The following DTWD2 variants were observed in gnomAD, a reference collection of about 807,000 sequenced individuals.
The protein encoded by DTWD2 is tRNA-uridine aminocarboxypropyltransferase 2.
A neutral mutation model predicts 31.8 loss-of-function variants in DTWD2; 39 were observed. That is an observed-to-expected ratio of 1.22 (90% CI 0.95 to 1.60). DTWD2 has a LOEUF of 1.60. Ranked by LOEUF, DTWD2 falls within the 40% of genes most tolerant of loss-of-function variation. DTWD2 has a pLI of 0.00. For missense variants in DTWD2, 515 were observed against 381.5 expected (o/e 1.35, Z -2.92); for synonymous variants, 180 against 142.8 (o/e 1.26, Z -1.86).
intron 1 of DTWD2, among the ~76,000 whole-genome samples, chr5:118,965,085 G>A (rs924802305): frequency 4.0e-5 from 6 of 151,330 alleles, no homozygotes; most frequent in African/African-American, 7.3e-5. Context: ...ACCACTGCCC[G>A]GCCGCAACCC....
chr5:118,943,876 G>A (rs558555465), intron 2 of DTWD2, among the ~76,000 whole-genome samples: 15 of 152,178 alleles, frequency 9.9e-5, no homozygotes, highest in Admixed American at 3.9e-4. Flanking sequence ...GCTTGACTGC[G>A]TCTATGATGT....
intron 4 of DTWD2, among the ~76,000 whole-genome samples, chr5:118,880,351 G>A (rs1054756991): frequency 1.3e-5 from 2 of 152,146 alleles, no homozygotes; most frequent in African/African-American, 4.8e-5. Flanking sequence ...TCAATCAGAT[G>A]CGTGTAACAG....
intron 4 of DTWD2, among the ~76,000 whole-genome samples, chr5:118,893,023 A>T (rs535391993): frequency 4.0e-5 from 6 of 150,594 alleles, no homozygotes; most frequent in East Asian, 1.9e-4. Context: ...TTAAGTTAAA[A>T]ATATATATAT....
chr5:118,940,986 T>C (rs959233385), intron 2 of DTWD2, among the ~76,000 whole-genome samples: 7 of 152,170 alleles, frequency 4.6e-5, no homozygotes, highest in Non-Finnish European at 1.0e-4. Flanking sequence ...AGATAGCTTT[T>C]CTATTTTTAC....
intron 3 of DTWD2, among the ~76,000 whole-genome samples, chr5:118,933,757 A>G (rs1753975942): frequency 6.6e-6 from 1 of 152,100 alleles, no homozygotes; most frequent in African/African-American, 2.4e-5. Flanking sequence ...CTGCTATTCA[A>G]TCCCTAGCTA....
intron 4 of DTWD2, among the ~76,000 whole-genome samples, chr5:118,906,045 G>A (rs1349534114): frequency 3.3e-5 from 5 of 152,136 alleles, no homozygotes; most frequent in African/African-American, 9.7e-5. Flanking sequence ...ATGAGCAAAA[G>A]ATGTGAATGT....
chr5:118,841,600 T>G (rs1751716422), intron 5 of DTWD2, among the ~76,000 whole-genome samples: 1 of 152,188 alleles, frequency 6.6e-6, no homozygotes, highest in Admixed American at 6.5e-5. Context: ...TGCCCAGGTC[T>G]TGGTGCGTTT....
At chr5:118,951,124 C>G (rs1218899818) in intron 1 of DTWD2, among the ~76,000 whole-genome samples, 1 of 152,084 alleles carries the variant, frequency 6.6e-6, no homozygotes, top group Non-Finnish European at 1.5e-5. Context: ...CTTGACCATG[C>G]CTTTAGCTCC....
intron 4 of DTWD2, among the ~76,000 whole-genome samples, chr5:118,893,558 A>G (rs190957028): frequency 6.6e-6 from 1 of 152,190 alleles, no homozygotes; most frequent in East Asian, 1.9e-4. Flanking sequence ...ATATTTTTAT[A>G]GTTTTTCAAT....
At chr5:118,857,167 T>C (rs1193595075) in intron 4 of DTWD2, among the ~76,000 whole-genome samples, 1 of 152,110 alleles carries the variant, frequency 6.6e-6, no homozygotes, top group Non-Finnish European at 1.5e-5. Flanking sequence ...TTGTAAGCGA[T>C]CTTAACAGCA....
At chr5:118,958,266 A>T (rs887292731) in intron 1 of DTWD2, among the ~76,000 whole-genome samples, 4 of 152,150 alleles carry the variant, frequency 2.6e-5, no homozygotes, top group Admixed American at 2.6e-4. Flanking sequence ...CATCCTGGCT[A>T]ACACAGTGAA....
At chr5:118,951,418 G>A (rs916354883) in intron 1 of DTWD2, among the ~76,000 whole-genome samples, 14 of 152,140 alleles carry the variant, frequency 9.2e-5, no homozygotes, top group Non-Finnish European at 1.8e-4. Context: ...GATTTGGGAC[G>A]AGTTGCATTG....
At chr5:118,970,606 C>A (rs934658859) in intron 1 of DTWD2, among the ~76,000 whole-genome samples, 2 of 152,088 alleles carry the variant, frequency 1.3e-5, no homozygotes, top group Non-Finnish European at 2.9e-5. Flanking sequence ...CCTAGCAAGA[C>A]AAGCCAACAT....
intron 1 of DTWD2, chr5:118,974,175 T>G: frequency 3.4e-6 from 5 of 1,458,204 alleles, no homozygotes; most frequent in Non-Finnish European, 4.7e-6. Context: ...CCTTGACCTA[T>G]TCACCCTCCA....
intron 4 of DTWD2, among the ~76,000 whole-genome samples, chr5:118,904,803 C>T (rs1695048266): frequency 6.6e-6 from 1 of 152,056 alleles, no homozygotes; most frequent in African/African-American, 2.4e-5. Context: ...CAACCCTCTC[C>T]TCACCACTAT....
intron 4 of DTWD2, among the ~76,000 whole-genome samples, chr5:118,923,779 C>T (rs1018913269): frequency 6.6e-6 from 1 of 152,180 alleles, no homozygotes; most frequent in Non-Finnish European, 1.5e-5. Flanking sequence ...ACTGAAGTTG[C>T]TGCAGACCCG....
chr5:118,949,937 G>A (rs764013137), intron 1 of DTWD2, among the ~76,000 whole-genome samples: 14 of 152,276 alleles, frequency 9.2e-5, no homozygotes, highest in Middle Eastern at 3.4e-3. Context: ...GCGGCCGGGC[G>A]CGATGGCTCA....
Position 118,860,554 on chromosome 5 carries a change from G to C in DTWD2, c.598-12336C>G, listed in dbSNP as rs561294613. 3.3e-5 allele frequency among the ~76,000 whole-genome samples: 5 copies of C among 152,148 alleles called. No individual in the cohort carries two copies. In the South Asian group the frequency reaches 8.3e-4, roughly 25 times the overall value. On this transcript the variant is annotated intron_variant, in intron 4 of 5. Transcript: ENST00000510708. ...GAATCCTAGGGATGGCTGGGTCAAA[G>C]GGAAAATTTATGTAAATATTCATTA...
intron 4 of DTWD2, among the ~76,000 whole-genome samples, chr5:118,863,754 A>C (rs1752319872): frequency 6.6e-6 from 1 of 152,212 alleles, no homozygotes. Flanking sequence ...GTACATTTAC[A>C]AAGTACCTAA....
Sources: allele counts gnomAD v4.1 joint callset (sites outside exome capture counted in the v4.1 genomes callset), GRCh38; gene constraint gnomAD v4.1.1; transcripts MANE v1.5; gene names NCBI Gene and HGNC (gene_info 2026-07-23, HGNC 2026-07-21).